The following RBM27 variants were observed in gnomAD, a reference collection of about 807,000 sequenced individuals.
RBM27 encodes the protein RNA-binding protein 27.
In RBM27, 22 loss-of-function variants were observed where a neutral mutation model predicts 135.3. That is an observed-to-expected ratio of 0.16 (90% CI 0.12 to 0.23). The LOEUF is 0.23. Ranked by LOEUF, RBM27 falls within the 10% of genes least tolerant of loss-of-function variation. The pLI is 1.00. For missense variants in RBM27, 1,009 were observed against 1,281.0 expected (o/e 0.79, Z 3.24); for synonymous variants, 481 against 442.4 (o/e 1.09, Z -1.10).
chr5:146,248,898 T>C (rs1757754641), intron 8 of RBM27, among the ~76,000 whole-genome samples: 3 of 152,250 alleles, frequency 2.0e-5, no homozygotes, highest in Admixed American at 1.3e-4. Flanking sequence ...GTACATCAAG[T>C]GATGTATCAT....
intron 1 of RBM27, among the ~76,000 whole-genome samples, chr5:146,204,584 G>T (rs1241134829): frequency 6.6e-6 from 1 of 152,176 alleles, no homozygotes; most frequent in Non-Finnish European, 1.5e-5. Flanking sequence ...GGTTGAAAGG[G>T]CTACACTGGT....
intron 2 of RBM27, among the ~76,000 whole-genome samples, chr5:146,221,198 A>G (rs532516798): frequency 5.8e-4 from 88 of 152,194 alleles, no homozygotes; most frequent in Non-Finnish European, 1.0e-3. Context: ...AAAAAATTAC[A>G]TAGGTAATAT....
Position 146,272,877 on chromosome 5 carries a change from C to G in RBM27, c.2988+1203C>G, listed in dbSNP as rs573412715. The stretch of plus-strand genomic sequence containing the variant: ...AAAAGTGTCCAGATTTGAATGTCCT[C>G]TGGGTTGTGAATGGTTCACTCTTGA... On this transcript the variant is annotated intron_variant, in intron 19 of 20. Coordinates refer to ENST00000265271, the MANE Select transcript of RBM27 (RefSeq NM_018989.2). Among the ~76,000 whole-genome samples the G allele has an allele frequency of 1.9e-4, 29 of 152,276 alleles. No individual in the cohort carries two copies. The South Asian group carries it at 6.0e-3, about 32-fold the overall frequency.
rs532071526 is a variant in RBM27, at chr5:146,277,092, A to G, written c.2988+5418A>G. On this transcript the variant is annotated intron_variant, in intron 19 of 20. Transcript: ENST00000265271. ...GCAATGGTAATTCTGTGACCTTTAC[A>G]AAGACATTGAAACTCTAAACTGCTG... 3.3e-4 allele frequency among the ~76,000 whole-genome samples: 50 copies of G among 152,326 alleles called. No homozygotes were observed. The South Asian group carries it at 9.5e-3, about 29-fold the overall frequency.
rs1297999278 is a variant in RBM27 at position 146,288,481 on chromosome 5, G to A, written c.*2451G>A. The A allele has an allele frequency of 6.6e-6, 1 of 151,992 alleles. No homozygotes were observed. Among genetic ancestry groups the A allele is most frequent in the Non-Finnish European group, 1.5e-5 (1 of 67,938 alleles). 9.4% of individuals were successfully genotyped at this position (151,992 alleles called of 1,614,324 possible). A position where few individuals can be genotyped will look rare whatever the true frequency, so the allele number is the denominator to read the frequency against. ...TAATTATAATACTGGAAAACTTCAG[G>A]TTAGCATAAAATAGTTTATATATAT... On this transcript the variant is annotated 3_prime_UTR_variant, in exon 21 of 21. Coordinates refer to ENST00000265271, the MANE Select transcript of RBM27 (RefSeq NM_018989.2).
intron 10 of RBM27, among the ~76,000 whole-genome samples, chr5:146,256,253 A>G (rs1425031143): frequency 6.7e-6 from 1 of 148,454 alleles, no homozygotes; most frequent in Non-Finnish European, 1.5e-5. Flanking sequence ...CAGGTTTTGT[A>G]TGAAGACTAC....
At chr5:146,217,262 C>T (rs113819330) in intron 1 of RBM27, among the ~76,000 whole-genome samples, 9,902 of 152,002 alleles carry the variant, frequency 0.065, 369 homozygotes, top group African/African-American at 0.077. Context: ...CCACCGTGCC[C>T]GGCCAGGTGA....
At chr5:146,268,126 T>C (rs1758697778) in intron 15 of RBM27, among the ~76,000 whole-genome samples, 1 of 152,186 alleles carries the variant, frequency 6.6e-6, no homozygotes, top group Non-Finnish European at 1.5e-5. Flanking sequence ...ACATAGGGTT[T>C]TCCAAATTAA....
chr5:146,263,383 C>T (rs763755790), intron 13 of RBM27, 108 bp from the exon 14 acceptor site: 27 of 1,089,092 alleles, frequency 2.5e-5, no homozygotes, highest in Admixed American at 9.9e-5. Flanking sequence ...AGCACCTTCC[C>T]GTTCCCATTT....
At chr5:146,265,899 C>T (rs1758592832) in intron 14 of RBM27, among the ~76,000 whole-genome samples, 1 of 152,114 alleles carries the variant, frequency 6.6e-6, no homozygotes, top group African/African-American at 2.4e-5. Flanking sequence ...TAGAAACTAT[C>T]CGTATTAACT....
intron 19 of RBM27, among the ~76,000 whole-genome samples, chr5:146,277,784 C>T (rs549718290): frequency 1.5e-4 from 23 of 151,642 alleles, no homozygotes; most frequent in South Asian, 8.4e-4. Flanking sequence ...CCTCCCACCT[C>T]GGCCTCCCAA....
intron 8 of RBM27, among the ~76,000 whole-genome samples, chr5:146,244,985 C>A (rs1040371816): frequency 6.6e-6 from 1 of 151,366 alleles, no homozygotes; most frequent in Non-Finnish European, 1.5e-5. Context: ...GTGGTCACCC[C>A]ACCACAGCCT....
intron 8 of RBM27, 132 bp downstream of exon 8, chr5:146,237,564 C>A: frequency 9.3e-7 from 1 of 1,079,872 alleles, no homozygotes; most frequent in Non-Finnish European, 1.3e-6. Flanking sequence ...TTTGTGTTTA[C>A]AATACAGTTT....
rs867351843 is a variant in RBM27, at chr5:146,238,401, G to A, written c.1279+969G>A. Reference sequence around the variant, plus strand: ...AGCATGCCTGTAGTCCCAGCAACTCGGGAGGCTGAGGCAGGAGAATCACTT... The same window carrying A: ...AGCATGCCTGTAGTCCCAGCAACTCAGGAGGCTGAGGCAGGAGAATCACTT... On this transcript the variant is annotated intron_variant, in intron 8 of 20. Coordinates refer to ENST00000265271, the MANE Select transcript of RBM27 (RefSeq NM_018989.2). Among the ~76,000 whole-genome samples the A allele has an allele frequency of 5.3e-5, 8 of 152,224 alleles. No homozygotes were observed. The Middle Eastern group carries it at 0.01, about 194-fold the overall frequency.
At chr5:146,271,257 A>C (rs1758849820) in intron 18 of RBM27, among the ~76,000 whole-genome samples, 199 bp downstream of exon 18, 1 of 152,108 alleles carries the variant, frequency 6.6e-6, no homozygotes, top group Middle Eastern at 3.2e-3. Flanking sequence ...AAAATTAGCC[A>C]GGCATGGTGG....
chr5:146,227,874 T>C (rs977559012), intron 3 of RBM27, among the ~76,000 whole-genome samples: 1 of 152,268 alleles, frequency 6.6e-6, no homozygotes, highest in Non-Finnish European at 1.5e-5. Flanking sequence ...ATAGTTTACA[T>C]GAATTACTTA....
chr5:146,240,255 A>G (rs1757347510), intron 8 of RBM27, among the ~76,000 whole-genome samples: 1 of 150,560 alleles, frequency 6.6e-6, no homozygotes, highest in Non-Finnish European at 1.5e-5. Context: ...TCTAGGCCCA[A>G]ATTCTAAGTA....
At chr5:146,284,103 TA>T (rs1759482796) in intron 19 of RBM27, among the ~76,000 whole-genome samples, 1 of 152,214 alleles carries the variant, frequency 6.6e-6, no homozygotes, top group Non-Finnish European at 1.5e-5. Flanking sequence ...GGCATTTGTT[TA>T]ATGTTTATTG....
chr5:146,277,695 T>TC (rs1432278572), intron 19 of RBM27, among the ~76,000 whole-genome samples: 1 of 151,240 alleles, frequency 6.6e-6, no homozygotes, highest in Non-Finnish European at 1.5e-5. Flanking sequence ...GCTAATTTTT[T>TC]TTTTTTTTTT....
Sources: gnomAD v4.1 joint callset for allele counts (sites outside exome capture counted in the v4.1 genomes callset) on GRCh38, gnomAD v4.1.1 for gene constraint, MANE v1.5 for transcripts, NCBI Gene and HGNC (gene_info 2026-07-23, HGNC 2026-07-21) for gene names.